Variants in HERC4 observed in about 807,000 individuals in gnomAD.
HERC4 encodes the protein HECT and RLD domain containing E3 ubiquitin protein ligase 4.
Under a neutral mutation model 124.3 loss-of-function variants are expected in HERC4, and 28 were observed. That is an observed-to-expected ratio of 0.23 (90% CI 0.17 to 0.31). The LOEUF (loss-of-function observed/expected upper bound fraction) is 0.31, where lower values mean the gene tolerates loss of function less well. Ranked by LOEUF, HERC4 falls within the 10% of genes least tolerant of loss-of-function variation. HERC4 has a pLI of 1.00. For synonymous variants in HERC4, 407 were observed against 421.5 expected, an observed-to-expected ratio of 0.97 and a Z score of 0.42; for missense variants, 713 against 1,229.3, an observed-to-expected ratio of 0.58 and a Z score of 6.28.
At chr10:67,931,559 G>T (rs138714641) in intron 23 of HERC4, among the ~76,000 whole-genome samples, 1 of 151,782 alleles carries the variant, frequency 6.6e-6, no homozygotes, top group Admixed American at 6.6e-5. Context: ...CAAGTAGCTG[G>T]GATTACAGGT....
intron 16 of HERC4, among the ~76,000 whole-genome samples, chr10:67,963,406 G>A (rs565083415): frequency 3.5e-4 from 53 of 152,120 alleles, no homozygotes; most frequent in Non-Finnish European, 6.9e-4. Flanking sequence ...TAGTAGAGAC[G>A]GGGTTTCGCC....
intron 19 of HERC4, among the ~76,000 whole-genome samples, chr10:67,949,713 G>GTAAT (rs1564946064): frequency 6.6e-6 from 1 of 152,104 alleles, no homozygotes; most frequent in Non-Finnish European, 1.5e-5. Flanking sequence ...AAACCACATG[G>GTAAT]TAATCTCTAC....
At chr10:67,987,179 C>T (rs1225480393) in intron 15 of HERC4, among the ~76,000 whole-genome samples, 1 of 152,080 alleles carries the variant, frequency 6.6e-6, no homozygotes, top group Non-Finnish European at 1.5e-5. Context: ...CAAGTTCTTC[C>T]TTAGTTGAGA....
chr10:68,046,967 A>C (rs117131627), intron 3 of HERC4, among the ~76,000 whole-genome samples: 14,337 of 149,302 alleles, frequency 0.096, 905 homozygotes, highest in Middle Eastern at 0.18. Context: ...CCAGAAAAAC[A>C]AACAAACAAA....
chr10:68,071,092 C>T (rs763994701), intron 3 of HERC4, among the ~76,000 whole-genome samples: 5 of 152,148 alleles, frequency 3.3e-5, no homozygotes, highest in African/African-American at 4.8e-5. Context: ...GTGGTGTAAT[C>T]GGGACAACAA....
intron 19 of HERC4, among the ~76,000 whole-genome samples, chr10:67,952,458 A>T (rs1483804907): frequency 6.6e-6 from 1 of 151,850 alleles, no homozygotes; most frequent in Non-Finnish European, 1.5e-5. Flanking sequence ...TAATTTTTGT[A>T]TTTTTAGTAG....
intron 9 of HERC4, among the ~76,000 whole-genome samples, chr10:68,009,314 A>C (rs927367813): frequency 6.6e-6 from 1 of 152,002 alleles, no homozygotes; most frequent in Non-Finnish European, 1.5e-5. Flanking sequence ...GATGAGAGTT[A>C]ATGTGGCCCC....
intron 3 of HERC4, among the ~76,000 whole-genome samples, chr10:68,062,128 C>A (rs1034469133): frequency 6.6e-6 from 1 of 151,922 alleles, no homozygotes; most frequent in Non-Finnish European, 1.5e-5. Flanking sequence ...AAAACAAAAT[C>A]GAAAATAAAC....
chr10:67,996,999 G>GA (rs571309040), intron 9 of HERC4, among the ~76,000 whole-genome samples: 3 of 145,638 alleles, frequency 2.1e-5, no homozygotes, highest in Non-Finnish European at 4.6e-5. Flanking sequence ...AAAAAAAAAA[G>GA]AAAAAAAAAG....
At chr10:67,971,370 A>T (rs2035223980) in intron 15 of HERC4, among the ~76,000 whole-genome samples, 2 of 152,112 alleles carry the variant, frequency 1.3e-5, no homozygotes, top group Admixed American at 1.3e-4. Context: ...TCATGAACAC[A>T]GATATAAACC....
chr10:68,013,764 C>G (rs1011877028), intron 9 of HERC4, among the ~76,000 whole-genome samples: 6 of 152,132 alleles, frequency 3.9e-5, no homozygotes, highest in African/African-American at 1.4e-4. Flanking sequence ...AACAAAAAAC[C>G]TCCCTCCCAC....
intron 4 of HERC4, 112 bp downstream of exon 4, chr10:68,044,292 G>T: frequency 1.0e-6 from 1 of 966,514 alleles, no homozygotes; most frequent in Non-Finnish European, 1.5e-6. Context: ...ACTCAAAGGG[G>T]AGAAATAATG....
chr10:67,922,888 G>A lies in HERC4; in HGVS notation c.*43C>T, dbSNP rs2030371988. The A allele has an allele frequency of 5.2e-6, 7 of 1,339,932 alleles. No homozygotes were observed. The East Asian group carries it at 1.4e-4, about 27-fold the overall frequency. The allele number at this position is 1,339,932 out of a possible 1,614,324, so 83.0% of individuals were successfully genotyped here. A position where few individuals can be genotyped will look rare whatever the true frequency, so the allele number is the denominator to read the frequency against. ...CATCACCACAAGAAAAACACAAATA[G>A]TTTAATGCTTTTGCACTAAACTGAA... On this transcript the variant is annotated 3_prime_UTR_variant, in exon 25 of 25. Transcript: ENST00000373700.
rs1287073093 is a variant in HERC4 at position 67,936,227 on chromosome 10, A to G, written c.2580T>C (p.Val860=). ...TCACTTCTGTTGCACCAAAGTTTTC[A>G]ACTGTGATCTATTAATTTAAATTTT... ...ETFCLNFTIT[V]ENFGATEVKE... is the part of the protein sequence containing the mutation. The change falls in exon 22 of 25, where the codon GTT becomes GTC. Residue 860 remains valine (V), a synonymous_variant. Transcript: ENST00000373700. The G allele has an allele frequency of 6.3e-7, 1 of 1,588,512 alleles. No individual in the cohort carries two copies. Among genetic ancestry groups the G allele is most frequent in the South Asian group, 1.2e-5 (1 of 85,882 alleles).
intron 17 of HERC4, chr10:67,956,019 G>C (rs1455232287): frequency 6.6e-6 from 1 of 152,144 alleles, no homozygotes; most frequent in Non-Finnish European, 1.5e-5. Flanking sequence ...TGGCTTACTA[G>C]CTGTTAGTAT....
chr10:68,075,239 G>A lies in HERC4; in HGVS notation c.-204C>T, dbSNP rs1104020. 1.3e-5 allele frequency: 2 copies of A among 153,186 alleles called. No individual in the cohort carries two copies. The highest frequency in any genetic ancestry group is 4.8e-5 in the African/African-American group (2 of 41,412). 9.5% of individuals were successfully genotyped at this position (153,186 alleles called of 1,614,324 possible). A position where few individuals can be genotyped will look rare whatever the true frequency, so the allele number is the denominator to read the frequency against. On this transcript the variant is annotated 5_prime_UTR_variant, in exon 1 of 25. Transcript: ENST00000373700. ...GCGGGCGGGGAAGAACGGGAGGCAAGCGGGGCGGAGAGCACCAGGGGTGGG... is the reference window on the plus strand; with the variant it reads ...GCGGGCGGGGAAGAACGGGAGGCAAACGGGGCGGAGAGCACCAGGGGTGGG...
chr10:68,042,675 T>C (rs534579323), intron 4 of HERC4, among the ~76,000 whole-genome samples: 7 of 152,274 alleles, frequency 4.6e-5, no homozygotes, highest in Admixed American at 3.9e-4. Flanking sequence ...AATCTGTTTA[T>C]AGATACTATA....
intron 20 of HERC4, 99 bp downstream of exon 20, chr10:67,940,840 G>C (rs566482590): frequency 2.0e-4 from 204 of 1,043,148 alleles, no homozygotes; most frequent in Non-Finnish European, 2.8e-4. Context: ...TTAACAAGAA[G>C]AACAAAATAT....
chr10:67,985,050 T>C (rs760841772), intron 15 of HERC4, among the ~76,000 whole-genome samples: 9 of 152,222 alleles, frequency 5.9e-5, no homozygotes, highest in Non-Finnish European at 1.2e-4. Flanking sequence ...GAAATGTTAA[T>C]GTTAGAATAA....
Sources: gnomAD v4.1 joint callset for allele counts (sites outside exome capture counted in the v4.1 genomes callset) on GRCh38, gnomAD v4.1.1 for gene constraint, MANE v1.5 for transcripts, NCBI Gene and HGNC (gene_info 2026-07-23, HGNC 2026-07-21) for gene names.